PRKAR2B: variants seen among roughly 807,000 people sequenced by gnomAD.
PRKAR2B encodes cAMP-dependent protein kinase type II-beta regulatory subunit.
Under a neutral mutation model 49.9 loss-of-function variants are expected in PRKAR2B, and 14 were observed. The observed-to-expected ratio is 0.28, with a 90% CI of 0.19 to 0.44. The LOEUF is 0.44. PRKAR2B is among the 20% of genes least tolerant of loss of function. The probability of loss-of-function intolerance (pLI) is 1.00; values close to 1 mark genes in which losing one functional copy is unlikely to be tolerated. For missense variants in PRKAR2B, 393 were observed against 537.9 expected (o/e 0.73, Z 2.67); for synonymous variants, 196 against 197.7 (o/e 0.99, Z 0.07).
intron 1 of PRKAR2B, among the ~76,000 whole-genome samples, chr7:107,064,123 A>T (rs1344700189): frequency 1.3e-5 from 2 of 152,186 alleles, no homozygotes; most frequent in Non-Finnish European, 2.9e-5. Flanking sequence ...TACTGCCTCA[A>T]ATCTCTGTGT....
At chr7:107,088,659 G>A (rs930502386) in intron 2 of PRKAR2B, among the ~76,000 whole-genome samples, 1 of 152,216 alleles carries the variant, frequency 6.6e-6, no homozygotes, top group Admixed American at 6.5e-5. Context: ...GAGTGCAGTG[G>A]TGTGATCTTG....
chr7:107,145,642 C>G (rs1795876525), intron 5 of PRKAR2B, among the ~76,000 whole-genome samples: 1 of 151,642 alleles, frequency 6.6e-6, no homozygotes. Flanking sequence ...TGGTCTTGAA[C>G]TCCTAGGCTC....
rs1793665576 is a variant in PRKAR2B, at chr7:107,045,183, G to A, written c.276G>A (p.Glu92=). 46 of 1,468,626 alleles carry A rather than the reference G, an allele frequency of 3.1e-5. No individual in the cohort carries two copies. Among genetic ancestry groups the A allele is most frequent in the Non-Finnish European group, 4.0e-5 (45 of 1,111,222 alleles). The allele number at this position is 1,468,626 out of a possible 1,614,324, so 91.0% of individuals were successfully genotyped here. Residue 92 remains glutamate (E), a synonymous_variant, in exon 1 of 11, where the codon GAG becomes GAA. Transcript: ENST00000265717. ...ACTCCGAGGACGGGGAGGAGGAGGA[G>A]GCGGCGCCCGCGGACGCAGGGGCGT... ...QSDSEDGEEE[E]AAPADAGAFN...
At chr7:107,115,693 A>C (rs1190192095) in intron 2 of PRKAR2B, among the ~76,000 whole-genome samples, 1 of 152,116 alleles carries the variant, frequency 6.6e-6, no homozygotes. Flanking sequence ...AGAGAGAGAA[A>C]CACCTTGTGT....
intron 2 of PRKAR2B, among the ~76,000 whole-genome samples, chr7:107,084,164 G>A (rs889658876): frequency 2.0e-5 from 3 of 152,076 alleles, no homozygotes; most frequent in Admixed American, 2.0e-4. Context: ...TACCAGCATT[G>A]TTTTTCTATA....
intron 2 of PRKAR2B, among the ~76,000 whole-genome samples, chr7:107,087,316 G>A (rs571112377): frequency 6.6e-6 from 1 of 151,846 alleles, no homozygotes; most frequent in East Asian, 1.9e-4. Context: ...CATTAGAAAC[G>A]TGGTGCTGCA....
At chr7:107,123,525 C>G (rs143372686) in intron 3 of PRKAR2B, among the ~76,000 whole-genome samples, 265 of 152,340 alleles carry the variant, frequency 1.7e-3, no homozygotes, top group African/African-American at 5.5e-3. Context: ...CAGGAGCCAG[C>G]CCGCCTCTGG....
At chr7:107,100,923 T>C (rs544042124) in intron 2 of PRKAR2B, among the ~76,000 whole-genome samples, 2 of 147,364 alleles carry the variant, frequency 1.4e-5, no homozygotes. Context: ...TCTGTGAACA[T>C]ATTTATAATA....
intron 1 of PRKAR2B, among the ~76,000 whole-genome samples, chr7:107,051,618 T>A (rs1484733785): frequency 1.3e-5 from 2 of 152,248 alleles, no homozygotes; most frequent in Non-Finnish European, 2.9e-5. Flanking sequence ...GCTAAAATTT[T>A]CAGGTCATGG....
chr7:107,101,135 A>ATTTTCTT (rs1794955306), intron 2 of PRKAR2B, among the ~76,000 whole-genome samples: 1 of 94,690 alleles, frequency 1.1e-5, no homozygotes, highest in South Asian at 3.5e-4. Flanking sequence ...GTTGTTGCTT[A>ATTTTCTT]TTTTTTTTTT....
intron 2 of PRKAR2B, among the ~76,000 whole-genome samples, chr7:107,073,972 G>T (rs560143463): frequency 1.3e-5 from 2 of 152,048 alleles, no homozygotes; most frequent in Non-Finnish European, 2.9e-5. Context: ...TGAGGCAGGA[G>T]ATTCACTTGA....
At chr7:107,096,028 A>G (rs1257476126) in intron 2 of PRKAR2B, among the ~76,000 whole-genome samples, 1 of 152,226 alleles carries the variant, frequency 6.6e-6, no homozygotes, top group East Asian at 1.9e-4. Context: ...AAAATGAGTT[A>G]GGGAGGATTC....
chr7:107,125,215 G>A (rs191134035), intron 3 of PRKAR2B, among the ~76,000 whole-genome samples: 1 of 152,184 alleles, frequency 6.6e-6, no homozygotes, highest in Admixed American at 6.5e-5. Flanking sequence ...GGCCTGGCTG[G>A]CATGAATTCT....
chr7:107,152,340 C>G (rs1431514006), intron 7 of PRKAR2B, among the ~76,000 whole-genome samples: 1 of 152,214 alleles, frequency 6.6e-6, no homozygotes, highest in Non-Finnish European at 1.5e-5. Context: ...CTTCTTGCCA[C>G]TCCTCAAACA....
At chr7:107,054,346 C>A (rs1462166977) in intron 1 of PRKAR2B, among the ~76,000 whole-genome samples, 1 of 151,796 alleles carries the variant, frequency 6.6e-6, no homozygotes, top group Non-Finnish European at 1.5e-5. Flanking sequence ...CATCTCAAAA[C>A]AAAACAAAAC....
chr7:107,099,482 CG>C (rs1794914410), intron 2 of PRKAR2B, among the ~76,000 whole-genome samples: 1 of 152,052 alleles, frequency 6.6e-6, no homozygotes, highest in Non-Finnish European at 1.5e-5. Context: ...GGCGATGCCC[CG>C]CCCTGCACCG....
chr7:107,147,098 C>T (rs1218779398), intron 6 of PRKAR2B, among the ~76,000 whole-genome samples: 2 of 151,934 alleles, frequency 1.3e-5, no homozygotes, highest in African/African-American at 2.4e-5. Flanking sequence ...ATCCTCTTAC[C>T]TAGCCACGAG....
chr7:107,081,163 A>G (rs1286906885), intron 2 of PRKAR2B, among the ~76,000 whole-genome samples: 3 of 152,174 alleles, frequency 2.0e-5, no homozygotes, highest in Middle Eastern at 3.2e-3. Context: ...TTGTGTATGT[A>G]TTACAACTAA....
At chr7:107,087,609 A>ACAGT (rs1794646290) in intron 2 of PRKAR2B, among the ~76,000 whole-genome samples, 1 of 152,290 alleles carries the variant, frequency 6.6e-6, no homozygotes, top group African/African-American at 2.4e-5. Context: ...CCAAGCTTAC[A>ACAGT]CAGTGACTGA....
Sources: gnomAD v4.1 joint callset for allele counts (sites outside exome capture counted in the v4.1 genomes callset) on GRCh38, gnomAD v4.1.1 for gene constraint, MANE v1.5 for transcripts, NCBI Gene and HGNC (gene_info 2026-07-23, HGNC 2026-07-21) for gene names.